The following KDM3B variants were observed in gnomAD, a reference collection of about 807,000 sequenced individuals.
KDM3B encodes the protein lysine demethylase 3B.
Under a neutral mutation model 170.0 loss-of-function variants are expected in KDM3B, and 10 were observed. The observed-to-expected ratio is 0.06, with a 90% CI of 0.04 to 0.10. The LOEUF (loss-of-function observed/expected upper bound fraction) is 0.10. Among genes scored for constraint, KDM3B ranks in the 10% least tolerant of loss-of-function variants. The pLI, the probability that KDM3B is intolerant of heterozygous loss-of-function variation, is 1.00. For synonymous variants in KDM3B, 831 were observed against 834.8 expected (o/e 1.00, Z 0.08); for missense variants, 1,394 against 2,195.2 (o/e 0.64, Z 7.29).
intron 11 of KDM3B, among the ~76,000 whole-genome samples, chr5:138,409,272 GACA>G (rs1446625237): frequency 6.6e-6 from 1 of 152,104 alleles, no homozygotes; most frequent in Non-Finnish European, 1.5e-5. Context: ...TTTATTCTCA[GACA>G]ACATGATCAT....
chr5:138,409,957 C>T (rs1320053413), intron 11 of KDM3B, among the ~76,000 whole-genome samples: 1 of 151,872 alleles, frequency 6.6e-6, no homozygotes, highest in Non-Finnish European at 1.5e-5. Context: ...CATGGTGGCA[C>T]ATGCCTGTAA....
chr5:138,405,709 C>CT (rs1762801304), intron 11 of KDM3B, among the ~76,000 whole-genome samples: 1 of 152,136 alleles, frequency 6.6e-6, no homozygotes, highest in African/African-American at 2.4e-5. Context: ...TAAAAGATCT[C>CT]TTTTTCTCGT....
chr5:138,390,060 C>T (rs531503273), intron 7 of KDM3B, among the ~76,000 whole-genome samples: 37 of 152,032 alleles, frequency 2.4e-4, no homozygotes, highest in East Asian at 7.8e-4. Context: ...AGGGTTTCAC[C>T]GTGTTGGCCA....
intron 11 of KDM3B, among the ~76,000 whole-genome samples, chr5:138,401,518 A>C (rs552821869): frequency 6.6e-5 from 10 of 152,306 alleles, no homozygotes; most frequent in Middle Eastern, 3.4e-3. Flanking sequence ...TTTATTCACC[A>C]GTTGATGGAC....
At chr5:138,411,093 T>A (rs1176840758) in intron 11 of KDM3B, among the ~76,000 whole-genome samples, 1 of 151,338 alleles carries the variant, frequency 6.6e-6, no homozygotes, top group African/African-American at 2.4e-5. Flanking sequence ...CTCCCTTTCC[T>A]GGTCTGCTAA....
intron 11 of KDM3B, among the ~76,000 whole-genome samples, chr5:138,406,782 C>T (rs968977115): frequency 6.6e-6 from 1 of 152,104 alleles, no homozygotes; most frequent in Non-Finnish European, 1.5e-5. Flanking sequence ...GATGTAGGCA[C>T]AGTGGCGTGT....
At chr5:138,367,781 G>A (rs1203832982) in intron 1 of KDM3B, among the ~76,000 whole-genome samples, 13 of 152,228 alleles carry the variant, frequency 8.5e-5, no homozygotes, top group Middle Eastern at 6.8e-3. Context: ...TTGGGAGGCC[G>A]AGGCAGGTGG....
rs1761939552 is a variant in KDM3B at position 138,374,181 on chromosome 5, A to T, written c.361-912A>T. ...GCTAATTTTTGTATTTTTAGTAGAGACAGGGTTTCACCATGTTGTCCAGGC... is the reference window on the plus strand; with the variant it reads ...GCTAATTTTTGTATTTTTAGTAGAGTCAGGGTTTCACCATGTTGTCCAGGC... On this transcript the variant is annotated intron_variant, in intron 2 of 23. Coordinates refer to ENST00000314358, the MANE Select transcript of KDM3B (RefSeq NM_016604.4). 25 of 315,998 alleles carry T rather than the reference A, an allele frequency of 7.9e-5. 1 individual carries two copies. Among genetic ancestry groups the T allele is most frequent in the South Asian group, 5.9e-4 (25 of 42,496 alleles). The allele number at this position is 315,998 out of a possible 1,614,324, so 19.6% of individuals were successfully genotyped here. A position where few individuals can be genotyped will look rare whatever the true frequency, so the allele number is the denominator to read the frequency against.
intron 23 of KDM3B, among the ~76,000 whole-genome samples, chr5:138,434,346 G>A (rs1017109215): frequency 4.6e-5 from 7 of 151,926 alleles, no homozygotes; most frequent in African/African-American, 2.4e-5. Flanking sequence ...TCAGGAGTTC[G>A]AGACCAGCCT....
intron 20 of KDM3B, among the ~76,000 whole-genome samples, chr5:138,429,586 A>T (rs959583410): frequency 1.3e-5 from 2 of 152,222 alleles, no homozygotes; most frequent in African/African-American, 4.8e-5. Flanking sequence ...AGTTTAAGCA[A>T]AAAATATGTT....
chr5:138,395,105 T>G (rs4835784), intron 9 of KDM3B, among the ~76,000 whole-genome samples: 38,870 of 152,000 alleles, frequency 0.26, 6,072 homozygotes, highest in South Asian at 0.4. Flanking sequence ...AAGGGGGAGT[T>G]TTAACTTGGC....
rs1762164587 is a variant in KDM3B at position 138,383,030 on chromosome 5, A to G, written c.780+1440A>G. Among the ~76,000 whole-genome samples, 6 of 152,298 alleles carry G rather than the reference A, an allele frequency of 3.9e-5. No individual in the cohort carries two copies. In the Middle Eastern group the frequency reaches 0.014, roughly 345 times the overall value. On this transcript the variant is annotated intron_variant, in intron 6 of 23. Coordinates refer to ENST00000314358, the MANE Select transcript of KDM3B (RefSeq NM_016604.4). ...CTGCTTACTCACGTATGAGTAGCTC[A>G]CTGTAAGTAGGACTTACATATAAGT... is the stretch of plus-strand genomic sequence containing the variant.
chr5:138,386,487 G>A lies in KDM3B; in HGVS notation c.1246G>A (p.Gly416Ser), dbSNP rs1762264601. 6.2e-7 allele frequency: 1 copy of A among 1,614,016 alleles called. No homozygotes were observed. The highest frequency in any genetic ancestry group is 1.7e-5 in the Admixed American group (1 of 59,992). ...AGKTLEQVGQGIVASAAVVTT... is the reference protein window; with the variant it reads ...AGKTLEQVGQSIVASAAVVTT... ...AAAAACACTGGAACAAGTTGGCCAGGGCATAGTGGCTTCCGCAGCTGTGGT... is the reference window on the plus strand; with the variant it reads ...AAAAACACTGGAACAAGTTGGCCAGAGCATAGTGGCTTCCGCAGCTGTGGT... Residue 416 changes from glycine (G) to serine (S), a missense_variant, in exon 7 of 24, where the codon GGC (glycine) becomes AGC (serine). Gly to Ser is a moderately conservative substitution (Grantham distance 56, BLOSUM62 0). Coordinates refer to ENST00000314358, the MANE Select transcript of KDM3B (RefSeq NM_016604.4).
intron 11 of KDM3B, among the ~76,000 whole-genome samples, chr5:138,413,155 G>A (rs1249875997): frequency 3.9e-5 from 6 of 152,136 alleles, no homozygotes; most frequent in South Asian, 2.1e-4. Context: ...GGAGGCCGAC[G>A]CGGGTGGATC....
intron 11 of KDM3B, among the ~76,000 whole-genome samples, chr5:138,406,881 C>T (rs1346475710): frequency 6.6e-6 from 1 of 151,098 alleles, no homozygotes; most frequent in Non-Finnish European, 1.5e-5. Context: ...TAGTGAGACC[C>T]TATCTCTTTA....
chr5:138,403,316 A>G (rs6889341), intron 11 of KDM3B, among the ~76,000 whole-genome samples: 127 of 152,220 alleles, frequency 8.3e-4, no homozygotes, highest in African/African-American at 2.9e-3. Flanking sequence ...AACTTACATG[A>G]CCAGTAAGCT....
intron 15 of KDM3B, among the ~76,000 whole-genome samples, chr5:138,421,644 TAG>T (rs1763275949): frequency 6.6e-6 from 1 of 152,184 alleles, no homozygotes; most frequent in African/African-American, 2.4e-5. Flanking sequence ...ACACAGTAGC[TAG>T]AGAGGTTCTT....
chr5:138,387,829 C>G (rs1762312649), intron 7 of KDM3B, among the ~76,000 whole-genome samples: 1 of 152,218 alleles, frequency 6.6e-6, no homozygotes, highest in South Asian at 2.1e-4. Context: ...CACCTGTAAT[C>G]CCAGCACTTT....
At chr5:138,416,885 A>G (rs990263250) in intron 12 of KDM3B, among the ~76,000 whole-genome samples, 2 of 152,078 alleles carry the variant, frequency 1.3e-5, no homozygotes, top group South Asian at 2.1e-4. Flanking sequence ...CAGTGGCACA[A>G]TCTCAGCTCA....
Sources: gnomAD v4.1 joint callset for allele counts (sites outside exome capture counted in the v4.1 genomes callset) on GRCh38, gnomAD v4.1.1 for gene constraint, MANE v1.5 for transcripts, NCBI Gene and HGNC (gene_info 2026-07-23, HGNC 2026-07-21) for gene names.